The following FHIT variants were observed in gnomAD, a reference collection of about 807,000 sequenced individuals.
The protein encoded by FHIT is fragile histidine triad diadenosine triphosphatase.
A neutral mutation model predicts 17.9 loss-of-function variants in FHIT; 19 were observed. The observed-to-expected ratio is 1.06, with a 90% CI of 0.74 to 1.56. The LOEUF (loss-of-function observed/expected upper bound fraction) is 1.56, where lower values mean the gene tolerates loss of function less well. Ranked by LOEUF, FHIT falls within the 40% of genes most tolerant of loss-of-function variation. FHIT has a pLI of 0.00. For missense variants in FHIT, 248 were observed against 189.2 expected, an observed-to-expected ratio of 1.31 and a Z score of -1.82; for synonymous variants, 81 against 69.7, an observed-to-expected ratio of 1.16 and a Z score of -0.81.
chr3:60,434,112 CT>C (rs1263029085), intron 5 of FHIT, among the ~76,000 whole-genome samples: 4 of 151,986 alleles, frequency 2.6e-5, no homozygotes, highest in Non-Finnish European at 4.4e-5. Context: ...AAATTGGACC[CT>C]TTTATTATAC....
At chr3:61,141,179 C>T (rs1418510249) in intron 2 of FHIT, among the ~76,000 whole-genome samples, 1 of 152,008 alleles carries the variant, frequency 6.6e-6, no homozygotes, top group Admixed American at 6.6e-5. Flanking sequence ...AGCCGACTCT[C>T]GGGGGTATCA....
chr3:59,991,835 G>C (rs1420651875), intron 7 of FHIT, among the ~76,000 whole-genome samples: 1 of 151,998 alleles, frequency 6.6e-6, no homozygotes, highest in Non-Finnish European at 1.5e-5. Context: ...TCCCTTTGCA[G>C]AGAAAGAGAA....
rs534363246 is a variant in FHIT at position 59,966,981 on chromosome 3, C to T, written c.279+44390G>A. Among the ~76,000 whole-genome samples the T allele has an allele frequency of 3.3e-5, 5 of 152,222 alleles. No homozygotes were observed. In the South Asian group the frequency reaches 8.3e-4, roughly 25 times the overall value. On this transcript the variant is annotated intron_variant, in intron 7 of 9. Transcript: ENST00000492590. ...AACACAAATACACTGTACAGGTATACAAAAATATTTTCTTTCTTTATTCTA... is the reference window on the plus strand; with the variant it reads ...AACACAAATACACTGTACAGGTATATAAAAATATTTTCTTTCTTTATTCTA...
chr3:60,374,573 T>C (rs774649131), intron 5 of FHIT, among the ~76,000 whole-genome samples: 1 of 149,392 alleles, frequency 6.7e-6, no homozygotes, highest in Non-Finnish European at 1.5e-5. Flanking sequence ...GCTAAGAAAA[T>C]GAAGAAAGAA....
intron 5 of FHIT, among the ~76,000 whole-genome samples, chr3:60,150,469 G>A (rs922157601): frequency 6.6e-6 from 1 of 152,126 alleles, no homozygotes; most frequent in Non-Finnish European, 1.5e-5. Context: ...TCTGGCTTTG[G>A]TTACTTTTTG....
intron 5 of FHIT, among the ~76,000 whole-genome samples, chr3:60,219,512 C>G (rs1703860269): frequency 6.6e-6 from 1 of 152,016 alleles, no homozygotes; most frequent in Non-Finnish European, 1.5e-5. Context: ...AAAATGTAAA[C>G]TTATTATTGA....
At chr3:60,104,394 A>C (rs1458687794) in intron 5 of FHIT, among the ~76,000 whole-genome samples, 3 of 152,188 alleles carry the variant, frequency 2.0e-5, no homozygotes, top group African/African-American at 7.2e-5. Flanking sequence ...AAATCATTCC[A>C]AACAACTATA....
chr3:60,517,036 A>AT (rs1208042993), intron 5 of FHIT, among the ~76,000 whole-genome samples: 2 of 152,190 alleles, frequency 1.3e-5, no homozygotes, highest in Non-Finnish European at 2.9e-5. Context: ...GACAGGGGAA[A>AT]TTCTTTAATG....
intron 5 of FHIT, among the ~76,000 whole-genome samples, chr3:60,178,146 G>T (rs1221805039): frequency 6.6e-6 from 1 of 152,168 alleles, no homozygotes; most frequent in Non-Finnish European, 1.5e-5. Flanking sequence ...GAGGATAGCT[G>T]GCTATTTAGT....
At chr3:60,527,381 T>C (rs1381813839) in intron 5 of FHIT, among the ~76,000 whole-genome samples, 1 of 152,350 alleles carries the variant, frequency 6.6e-6, no homozygotes, top group South Asian at 2.1e-4. Flanking sequence ...ACTTTTAAAG[T>C]ATTAGCACGT....
At chr3:60,722,786 G>A (rs1301237105) in intron 4 of FHIT, among the ~76,000 whole-genome samples, 4 of 148,540 alleles carry the variant, frequency 2.7e-5, no homozygotes, top group Non-Finnish European at 5.9e-5. Context: ...GCAGTGGCGC[G>A]ATCTCGGCTC....
intron 5 of FHIT, among the ~76,000 whole-genome samples, chr3:60,187,918 G>A (rs1253274829): frequency 6.6e-6 from 1 of 151,990 alleles, no homozygotes; most frequent in Non-Finnish European, 1.5e-5. Context: ...TATTTATGTG[G>A]GGATTTTTAT....
intron 5 of FHIT, among the ~76,000 whole-genome samples, chr3:60,151,664 T>C (rs539162733): frequency 1.3e-3 from 197 of 152,304 alleles, no homozygotes; most frequent in African/African-American, 4.5e-3. Context: ...TCTTTCTTGC[T>C]GTTCCTTCAA....
intron 5 of FHIT, among the ~76,000 whole-genome samples, chr3:60,193,545 C>T (rs1702495710): frequency 6.6e-6 from 1 of 152,174 alleles, no homozygotes; most frequent in African/African-American, 2.4e-5. Context: ...AACTCTCAAA[C>T]ACAGGGACAT....
At chr3:60,979,400 T>C (rs941827995) in intron 3 of FHIT, among the ~76,000 whole-genome samples, 3 of 152,148 alleles carry the variant, frequency 2.0e-5, no homozygotes, top group Non-Finnish European at 4.4e-5. Context: ...ATCAGCAGAC[T>C]GAACAAAGCG....
intron 7 of FHIT, among the ~76,000 whole-genome samples, chr3:59,925,524 T>C (rs1705616314): frequency 6.6e-6 from 1 of 152,176 alleles, no homozygotes; most frequent in South Asian, 2.1e-4. Flanking sequence ...GTTGCGAACC[T>C]GCACTTGGGA....
At position 60,493,365 on chromosome 3, in the gene FHIT, T is replaced by C. The variant is rs1488721810; in HGVS notation, c.103+43495A>G. 3.3e-5 allele frequency among the ~76,000 whole-genome samples: 5 copies of C among 152,228 alleles called. No individual in the cohort carries two copies. The East Asian group carries it at 9.6e-4, about 29-fold the overall frequency. On this transcript the variant is annotated intron_variant, in intron 5 of 9. Transcript: ENST00000492590. ...GAAGATCATAACTCATTAAATTTCA[T>C]TTTAACCTTCCTGAATCTGCCTAAA...
At chr3:60,626,783 CTCT>C (rs1198143701) in intron 4 of FHIT, among the ~76,000 whole-genome samples, 18 of 85,956 alleles carry the variant, frequency 2.1e-4, no homozygotes, top group South Asian at 6.4e-4. Context: ...GGGGAAAACA[CTCT>C]TTTTTTTTTT....
chr3:60,237,722 C>G (rs1205404689), intron 5 of FHIT, among the ~76,000 whole-genome samples: 1 of 152,062 alleles, frequency 6.6e-6, no homozygotes, highest in African/African-American at 2.4e-5. Flanking sequence ...TTCTTGGTGC[C>G]TAATGTAACT....
Sources: gnomAD v4.1 joint callset for allele counts (sites outside exome capture counted in the v4.1 genomes callset) on GRCh38, gnomAD v4.1.1 for gene constraint, MANE v1.5 for transcripts, NCBI Gene and HGNC (gene_info 2026-07-23, HGNC 2026-07-21) for gene names.